The following COL13A1 variants were observed in gnomAD, a reference collection of about 807,000 sequenced individuals.
The protein encoded by COL13A1 is collagen type XIII alpha 1 chain.
COL13A1 carries 89 observed loss-of-function variants against 130.9 expected under a neutral mutation model. The ratio of observed to expected loss-of-function variants is 0.68; its 90% CI spans 0.57 to 0.81. The LOEUF is 0.81. Ranked by LOEUF, COL13A1 falls within the 30% of genes least tolerant of loss-of-function variation. COL13A1 has a pLI of 0.00. For synonymous variants in COL13A1, 402 were observed against 341.6 expected (o/e 1.18, Z -1.95); for missense variants, 879 against 934.6 (o/e 0.94, Z 0.78).
intron 27 of COL13A1, 39 bp downstream of exon 27, chr10:69,927,149 C>CGGGGG: frequency 6.2e-7 from 1 of 1,612,698 alleles, no homozygotes; most frequent in South Asian, 1.1e-5. Flanking sequence ...GGGCACTGGA[C>CGGGGG]GGGGGGGCTG....
intron 7 of COL13A1, among the ~76,000 whole-genome samples, chr10:69,885,393 C>CT (rs1331327721): frequency 6.6e-6 from 1 of 152,208 alleles, no homozygotes; most frequent in East Asian, 1.9e-4. Context: ...GAAGAGATGT[C>CT]TAACCTCAGG....
chr10:69,930,367 G>C, intron 29 of COL13A1, 33 bp from the exon 30 acceptor site: 2 of 1,575,416 alleles, frequency 1.3e-6, no homozygotes, highest in African/African-American at 2.7e-5. Flanking sequence ...CTCCATTAAT[G>C]TGTCTAAGAA....
chr10:69,946,682 G>A (rs1286034010), intron 37 of COL13A1, among the ~76,000 whole-genome samples: 1 of 152,214 alleles, frequency 6.6e-6, no homozygotes, highest in East Asian at 1.9e-4. Flanking sequence ...CCCCACAAGC[G>A]CATCCTCAGA....
intron 40 of COL13A1, among the ~76,000 whole-genome samples, chr10:69,957,889 G>A (rs980596810): frequency 2.0e-5 from 3 of 152,164 alleles, no homozygotes; most frequent in Non-Finnish European, 4.4e-5. Flanking sequence ...AAAGGGACCG[G>A]AGACTCCAAC....
intron 1 of COL13A1, among the ~76,000 whole-genome samples, chr10:69,804,137 G>A (rs1268421912): frequency 4.6e-5 from 7 of 152,120 alleles, no homozygotes; most frequent in African/African-American, 1.4e-4. Context: ...TGGGCCTGGG[G>A]TGGAGGTGCA....
At chr10:69,823,406 G>A (rs1846622112) in intron 2 of COL13A1, among the ~76,000 whole-genome samples, 1 of 152,216 alleles carries the variant, frequency 6.6e-6, no homozygotes, top group South Asian at 2.1e-4. Context: ...CAGGAGACAA[G>A]GTATCACATT....
intron 17 of COL13A1, among the ~76,000 whole-genome samples, chr10:69,910,233 G>A (rs939358910): frequency 6.6e-6 from 1 of 151,842 alleles, no homozygotes; most frequent in Non-Finnish European, 1.5e-5. Flanking sequence ...ACGAAGGGTG[G>A]CTTGGTCTCA....
rs554685132 is a variant in COL13A1 at position 69,882,359 on chromosome 10, T to C, written c.513+1806T>C. 1.9e-3 allele frequency among the ~76,000 whole-genome samples: 282 copies of C among 152,374 alleles called. 2 individuals are homozygous for C. The highest frequency in any genetic ancestry group is 6.6e-3 in the African/African-American group (276 of 41,594). On this transcript the variant is annotated intron_variant, in intron 7 of 40. Transcript: ENST00000645393. ...GAAAACCTCCACTGCTGTAGGTGTG[T>C]TCAGGGCAGTAGAGCCTCTGCTCCT... is the stretch of plus-strand genomic sequence containing the variant.
chr10:69,807,332 A>T (rs3864815), intron 1 of COL13A1, among the ~76,000 whole-genome samples: 14,738 of 152,142 alleles, frequency 0.097, 792 homozygotes, highest in East Asian at 0.18. Flanking sequence ...ATTCCTTTGG[A>T]TGTTAAGGAA....
At chr10:69,905,711 A>G in intron 16 of COL13A1, 76 bp from the exon 17 acceptor site, 1 of 1,506,932 alleles carries the variant, frequency 6.6e-7, no homozygotes, top group Non-Finnish European at 9.1e-7. Context: ...GAGGGATGGT[A>G]TTGTGTGGGG....
intron 1 of COL13A1, among the ~76,000 whole-genome samples, chr10:69,812,190 C>T (rs1404437178): frequency 1.3e-5 from 2 of 152,212 alleles, no homozygotes; most frequent in African/African-American, 2.4e-5. Flanking sequence ...TCAGGTGCAG[C>T]CCTTGTCACT....
chr10:69,844,680 A>C (rs1852524284), intron 2 of COL13A1, among the ~76,000 whole-genome samples: 1 of 152,250 alleles, frequency 6.6e-6, no homozygotes, highest in Non-Finnish European at 1.5e-5. Context: ...GTCATGGAGA[A>C]GGGAAGTGTT....
chr10:69,875,504 C>A (rs1564916365), intron 5 of COL13A1, among the ~76,000 whole-genome samples: 1 of 152,208 alleles, frequency 6.6e-6, no homozygotes, highest in Non-Finnish European at 1.5e-5. Flanking sequence ...CCACTCCGCC[C>A]CCCAAAGCTG....
chr10:69,906,730 T>G (rs769510992), intron 17 of COL13A1, among the ~76,000 whole-genome samples: 10 of 151,890 alleles, frequency 6.6e-5, no homozygotes, highest in Non-Finnish European at 1.0e-4. Flanking sequence ...TTGTTTTTTG[T>G]TTTTGTTTTT....
At chr10:69,876,098 C>T (rs969693096) in intron 5 of COL13A1, among the ~76,000 whole-genome samples, 1 of 152,222 alleles carries the variant, frequency 6.6e-6, no homozygotes, top group Admixed American at 6.5e-5. Flanking sequence ...CTGACCCTTG[C>T]TAGTGCTAAC....
chr10:69,900,288 A>G (rs959017598), intron 14 of COL13A1, among the ~76,000 whole-genome samples: 9 of 152,170 alleles, frequency 5.9e-5, no homozygotes, highest in Non-Finnish European at 1.2e-4. Flanking sequence ...TGGGTTCCAG[A>G]CATTGTTGTG....
At chr10:69,849,495 T>C (rs1256492204) in intron 2 of COL13A1, among the ~76,000 whole-genome samples, 1 of 151,878 alleles carries the variant, frequency 6.6e-6, no homozygotes, top group African/African-American at 2.4e-5. Context: ...CAATGGCACG[T>C]TTTTATTTTT....
intron 2 of COL13A1, among the ~76,000 whole-genome samples, chr10:69,861,765 A>G (rs572317309): frequency 6.6e-6 from 1 of 152,344 alleles, no homozygotes; most frequent in East Asian, 1.9e-4. Flanking sequence ...AGGCTCATTA[A>G]GGAGCTGTGA....
At chr10:69,958,609 G>C in intron 40 of COL13A1, 90 bp from the exon 41 acceptor site, 1 of 1,604,406 alleles carries the variant, frequency 6.2e-7, no homozygotes, top group Non-Finnish European at 8.5e-7. Context: ...ATCCAACCCA[G>C]GACAAGATTT....
Sources: gnomAD v4.1 joint callset for allele counts (sites outside exome capture counted in the v4.1 genomes callset) on GRCh38, gnomAD v4.1.1 for gene constraint, MANE v1.5 for transcripts, NCBI Gene and HGNC (gene_info 2026-07-23, HGNC 2026-07-21) for gene names.